The following LUZP2 variants were observed in gnomAD, a reference collection of about 807,000 sequenced individuals.
The protein encoded by LUZP2 is leucine zipper protein 2.
LUZP2 carries 52 observed loss-of-function variants against 51.6 expected under a neutral mutation model. That is an observed-to-expected ratio of 1.01 (90% CI 0.81 to 1.27). The LOEUF (loss-of-function observed/expected upper bound fraction) is 1.27. Among genes scored for constraint, LUZP2 ranks in the 50% most tolerant of loss-of-function variants. The pLI is 0.00. For synonymous variants in LUZP2, 154 were observed against 137.3 expected (o/e 1.12, Z -0.85); for missense variants, 436 against 395.4 (o/e 1.10, Z -0.87).
At chr11:24,963,525 T>C (rs926134374) in intron 7 of LUZP2, among the ~76,000 whole-genome samples, 1 of 152,164 alleles carries the variant, frequency 6.6e-6, no homozygotes, top group Non-Finnish European at 1.5e-5. Context: ...CAGACTGCTG[T>C]GCTAGCAACC....
At chr11:24,899,720 T>G (rs74373488) in intron 5 of LUZP2, among the ~76,000 whole-genome samples, 8,044 of 152,156 alleles carry the variant, frequency 0.053, 532 homozygotes, top group African/African-American at 0.16. Context: ...ATTATAATGT[T>G]AAAAGGGGCA....
chr11:24,996,634 T>A (rs1038343446), intron 9 of LUZP2, among the ~76,000 whole-genome samples: 1 of 128,630 alleles, frequency 7.8e-6, no homozygotes, highest in African/African-American at 2.8e-5. Flanking sequence ...TTTATTTTAT[T>A]ATACTTTAAG....
At chr11:24,686,223 CAAA>C (rs56907734) in intron 1 of LUZP2, among the ~76,000 whole-genome samples, 27 of 148,382 alleles carry the variant, frequency 1.8e-4, no homozygotes, top group Non-Finnish European at 2.8e-4. Flanking sequence ...GTGAACTCTG[CAAA>C]AAAAAAAAAA....
chr11:24,529,159 C>A (rs2133820036), intron 1 of LUZP2, among the ~76,000 whole-genome samples: 1 of 151,170 alleles, frequency 6.6e-6, no homozygotes, highest in East Asian at 1.9e-4. Flanking sequence ...CTTTCCCCCA[C>A]CCTCTACTGG....
In LUZP2 at chr11:25,081,029, A is replaced by ATTTTGTTTTTT. The variant is rs1554964353; in HGVS notation, c.*2375_*2376insGTTTTTTTTTT. The ATTTTGTTTTTT allele has an allele frequency of 5.0e-5, 5 of 100,708 alleles. No homozygotes were observed. Among genetic ancestry groups the ATTTTGTTTTTT allele is most frequent in the African/African-American group, 1.1e-4 (3 of 26,542 alleles). The allele number at this position is 100,708 out of a possible 1,614,324, so 6.2% of individuals were successfully genotyped here. ...ATCAAGTGGGCTTTGGATCCATATG[A>ATTTTGTTTTTT]TTTTTTTTTTTTTTTTTTTTTGAGA... On this transcript the variant is annotated 3_prime_UTR_variant, in exon 12 of 12. Transcript: ENST00000336930.
chr11:24,607,983 G>A (rs1241742631), intron 1 of LUZP2, among the ~76,000 whole-genome samples: 11 of 151,894 alleles, frequency 7.2e-5, no homozygotes, highest in Admixed American at 5.9e-4. Flanking sequence ...CGAGTAGCTG[G>A]GACTACAGAT....
intron 1 of LUZP2, among the ~76,000 whole-genome samples, chr11:24,571,184 G>C (rs746711181): frequency 6.7e-6 from 1 of 149,660 alleles, no homozygotes; most frequent in Non-Finnish European, 1.5e-5. Flanking sequence ...AGTGTTGCTG[G>C]TGATGCAGAG....
chr11:24,607,831 T>TTA (rs111470352), intron 1 of LUZP2, among the ~76,000 whole-genome samples: 5 of 148,952 alleles, frequency 3.4e-5, no homozygotes, highest in African/African-American at 1.2e-4. Flanking sequence ...TCTATTTTAT[T>TTA]TTTTTTTTTC....
At chr11:24,522,788 A>G (rs771062361) in intron 1 of LUZP2, among the ~76,000 whole-genome samples, 22 of 152,130 alleles carry the variant, frequency 1.4e-4, no homozygotes, top group Non-Finnish European at 2.9e-4. Context: ...GATACTCAGA[A>G]TGACTATGAA....
chr11:24,690,392 G>T (rs1857028688), intron 1 of LUZP2, among the ~76,000 whole-genome samples: 1 of 152,082 alleles, frequency 6.6e-6, no homozygotes, highest in Non-Finnish European at 1.5e-5. Context: ...GCTCATAGAA[G>T]GTGATTTCCA....
At chr11:24,919,937 G>T (rs2133813287) in intron 7 of LUZP2, among the ~76,000 whole-genome samples, 1 of 151,664 alleles carries the variant, frequency 6.6e-6, no homozygotes, top group East Asian at 1.9e-4. Context: ...TAAATAATTG[G>T]TTAGCTAAGA....
intron 7 of LUZP2, among the ~76,000 whole-genome samples, chr11:24,920,878 C>T (rs1246082080): frequency 1.3e-5 from 2 of 151,920 alleles, no homozygotes; most frequent in African/African-American, 2.4e-5. Context: ...ACACTGAAAG[C>T]CCAGACATCA....
At chr11:24,884,999 G>A (rs150295434) in intron 5 of LUZP2, among the ~76,000 whole-genome samples, 12 of 152,074 alleles carry the variant, frequency 7.9e-5, no homozygotes, top group African/African-American at 2.9e-4. Flanking sequence ...ATAAGGGAGG[G>A]GAATTATTAA....
At chr11:24,842,928 T>C (rs1049165239) in intron 5 of LUZP2, among the ~76,000 whole-genome samples, 2 of 151,644 alleles carry the variant, frequency 1.3e-5, no homozygotes, top group Non-Finnish European at 2.9e-5. Context: ...AAAAAATAAA[T>C]TGTTGAAACA....
In LUZP2 at chr11:24,716,793, G is replaced by T. The variant is rs528849467; in HGVS notation, c.63-12376G>T. On this transcript the variant is annotated intron_variant, in intron 1 of 11. Transcript: ENST00000336930. The stretch of plus-strand genomic sequence containing the variant: ...CAACTGTAATCCCAGGTACTTGGGA[G>T]ACTGAGGCAGGAGAATCTCTTGAAC... 2.0e-5 allele frequency among the ~76,000 whole-genome samples: 3 copies of T among 152,234 alleles called. No individual in the cohort carries two copies. The South Asian group carries it at 6.2e-4, about 32-fold the overall frequency.
At chr11:24,596,872 C>T (rs76235045) in intron 1 of LUZP2, among the ~76,000 whole-genome samples, 2,252 of 152,194 alleles carry the variant, frequency 0.015, 50 homozygotes, top group East Asian at 0.085. Flanking sequence ...AATTTAAGGT[C>T]CACCTTTTCT....
chr11:24,774,898 G>A (rs1161691010), intron 5 of LUZP2, among the ~76,000 whole-genome samples: 1 of 148,450 alleles, frequency 6.7e-6, no homozygotes, highest in Non-Finnish European at 1.5e-5. Flanking sequence ...TGTCCCTCTA[G>A]AGAATCGTGA....
At chr11:24,602,189 T>C (rs1177605916) in intron 1 of LUZP2, among the ~76,000 whole-genome samples, 3 of 133,066 alleles carry the variant, frequency 2.3e-5, no homozygotes, top group Admixed American at 8.5e-5. Context: ...TGTATATATG[T>C]ATATATGTAC....
At chr11:24,878,458 CT>C (rs1173962961) in intron 5 of LUZP2, among the ~76,000 whole-genome samples, 3 of 151,936 alleles carry the variant, frequency 2.0e-5, no homozygotes, top group Non-Finnish European at 4.4e-5. Context: ...TTTTCTCTTG[CT>C]GCTTTTAGGA....
Sources: allele counts gnomAD v4.1 joint callset (sites outside exome capture counted in the v4.1 genomes callset), GRCh38; gene constraint gnomAD v4.1.1; transcripts MANE v1.5; gene names NCBI Gene and HGNC (gene_info 2026-07-23, HGNC 2026-07-21).